AFF1: variants seen among roughly 807,000 people sequenced by gnomAD.
AFF1 encodes the protein AF4/FMR2 family member 1.
In AFF1, 48 loss-of-function variants were observed where a neutral mutation model predicts 121.7. The observed-to-expected ratio is 0.39, with a 90% confidence interval of 0.31 to 0.50. AFF1 has a LOEUF of 0.50. AFF1 is among the 20% of genes least tolerant of loss of function. The probability of loss-of-function intolerance (pLI) is 0.76; values close to 1 mark genes in which losing one functional copy is unlikely to be tolerated. For missense variants in AFF1, 1,523 were observed against 1,511.7 expected, an observed-to-expected ratio of 1.01 and a Z score of -0.12; for synonymous variants, 613 against 563.0, an observed-to-expected ratio of 1.09 and a Z score of -1.26.
At chr4:87,013,320 G>T (rs367705624) in intron 2 of AFF1, among the ~76,000 whole-genome samples, 4 of 152,096 alleles carry the variant, frequency 2.6e-5, no homozygotes, top group African/African-American at 7.2e-5. Flanking sequence ...GATTACAGGC[G>T]TGAGCCACCC....
chr4:87,094,838 C>T (rs893701273), intron 7 of AFF1, 77 bp from the exon 8 acceptor site: 20 of 1,423,468 alleles, frequency 1.4e-5, no homozygotes, highest in African/African-American at 8.5e-5. Context: ...AACTGGGGAC[C>T]GACATAAAAG....
intron 2 of AFF1, among the ~76,000 whole-genome samples, chr4:87,006,638 T>G (rs1726145600): frequency 6.6e-6 from 1 of 152,242 alleles, no homozygotes; most frequent in African/African-American, 2.4e-5. Context: ...GCCGCGGTCT[T>G]GTTCCTGCTC....
chr4:87,028,775 A>G (rs974730262), intron 2 of AFF1, among the ~76,000 whole-genome samples: 1 of 152,222 alleles, frequency 6.6e-6, no homozygotes, highest in Non-Finnish European at 1.5e-5. Flanking sequence ...ATGTGACAGA[A>G]TATAACTATT....
intron 2 of AFF1, among the ~76,000 whole-genome samples, chr4:86,949,043 C>G (rs1376688543): frequency 6.6e-6 from 1 of 152,010 alleles, no homozygotes. Flanking sequence ...AGTAATTGAT[C>G]AGTGTTGATT....
chr4:87,041,446 C>T lies in AFF1; in HGVS notation c.39-4720C>T, dbSNP rs543561118. Among the ~76,000 whole-genome samples the T allele has an allele frequency of 4.6e-5, 7 of 152,290 alleles. No individual in the cohort carries two copies. The South Asian group carries it at 1.5e-3, about 32-fold the overall frequency. On this transcript the variant is annotated intron_variant, in intron 2 of 20. Transcript: ENST00000395146. Reference sequence around the variant, plus strand: ...TGTTCAACATACAAGCCTTGGGGCCCATGTCAGGCCTACTGCCTTAGAAAC... The same window carrying T: ...TGTTCAACATACAAGCCTTGGGGCCTATGTCAGGCCTACTGCCTTAGAAAC...
At chr4:87,002,425 G>GTTTTTTTTTTTTTTTTTTT (rs3035506) in intron 2 of AFF1, among the ~76,000 whole-genome samples, 1 of 68,140 alleles carries the variant, frequency 1.5e-5, no homozygotes, top group East Asian at 4.6e-4. Context: ...GGGCAATGAA[G>GTTTTTTTTTTTTTTTTTTT]TTTTTTTTTT....
At chr4:87,002,766 T>C (rs1354808174) in intron 2 of AFF1, among the ~76,000 whole-genome samples, 1 of 152,188 alleles carries the variant, frequency 6.6e-6, no homozygotes, top group Non-Finnish European at 1.5e-5. Context: ...ATTGGGTCTG[T>C]TAGCAGGAGC....
At chr4:87,012,345 C>T (rs1474956192) in intron 2 of AFF1, among the ~76,000 whole-genome samples, 1 of 149,618 alleles carries the variant, frequency 6.7e-6, no homozygotes, top group African/African-American at 2.5e-5. Context: ...TAAACTTATT[C>T]TAATTCTGTA....
chr4:87,066,800 G>C (rs778267841), intron 4 of AFF1, among the ~76,000 whole-genome samples: 13 of 152,158 alleles, frequency 8.5e-5, no homozygotes, highest in Non-Finnish European at 1.8e-4. Context: ...CTTTCCTGGT[G>C]GACAGCACCT....
intron 12 of AFF1, among the ~76,000 whole-genome samples, chr4:87,122,067 A>G (rs1250462480): frequency 6.6e-6 from 1 of 152,254 alleles, no homozygotes. Flanking sequence ...TTAATGTGTC[A>G]TTAACTGCCT....
intron 2 of AFF1, among the ~76,000 whole-genome samples, chr4:86,969,741 G>A (rs1403918699): frequency 6.6e-6 from 1 of 151,536 alleles, no homozygotes; most frequent in Non-Finnish European, 1.5e-5. Flanking sequence ...TGAGCTGGGC[G>A]CCGGGGCGGG....
intron 2 of AFF1, among the ~76,000 whole-genome samples, chr4:87,031,517 C>G (rs1011730914): frequency 6.6e-6 from 1 of 151,818 alleles, no homozygotes. Flanking sequence ...CTTTTTATCC[C>G]TAGGTCTAGC....
chr4:86,983,535 ATAAAAAAAT>A (rs1323152650), intron 2 of AFF1, among the ~76,000 whole-genome samples: 4 of 142,800 alleles, frequency 2.8e-5, no homozygotes, highest in Non-Finnish European at 4.6e-5. Context: ...GTCTCAAAAA[ATAAAAAAAT>A]TAAAAAATAA....
intron 5 of AFF1, among the ~76,000 whole-genome samples, chr4:87,084,586 AAATAAATAAAT>A (rs1281861296): frequency 6.7e-6 from 1 of 148,860 alleles, no homozygotes; most frequent in East Asian, 1.9e-4. Context: ...ATAAATAAAT[AAATAAATAAAT>A]AAATAAAAAA....
intron 2 of AFF1, among the ~76,000 whole-genome samples, chr4:87,014,873 C>A (rs867056280): frequency 6.6e-6 from 1 of 152,168 alleles, no homozygotes; most frequent in Middle Eastern, 3.2e-3. Context: ...TTAATTAGTT[C>A]TCATTGTTTT....
At chr4:87,130,955 A>T in intron 16 of AFF1, 128 bp from the exon 17 acceptor site, 1 of 1,261,926 alleles carries the variant, frequency 7.9e-7, no homozygotes, top group Non-Finnish European at 1.1e-6. Flanking sequence ...TAGTTCATTC[A>T]TCCTCACACT....
chr4:86,972,317 T>G (rs1159339435), intron 2 of AFF1, among the ~76,000 whole-genome samples: 1 of 151,770 alleles, frequency 6.6e-6, no homozygotes, highest in African/African-American at 2.4e-5. Flanking sequence ...AGGAAGGCAG[T>G]GGGAAAAGTA....
chr4:87,073,015 G>A (rs1722253408), intron 4 of AFF1, among the ~76,000 whole-genome samples: 1 of 151,158 alleles, frequency 6.6e-6, no homozygotes, highest in Admixed American at 6.6e-5. Flanking sequence ...CAGAGATAAC[G>A]CAGGAAAAGA....
rs111265473 is a variant in AFF1 at position 87,094,904 on chromosome 4, C to G, written c.1229-11C>G. 1.1e-5 allele frequency: 17 copies of G among 1,612,624 alleles called. No individual in the cohort carries two copies. The highest frequency in any genetic ancestry group is 1.1e-5 in the Non-Finnish European group (13 of 1,178,838). On this transcript the variant is annotated splice_polypyrimidine_tract_variant and intron_variant, in intron 7 of 20. Transcript: ENST00000395146. ...GTCATTGTGCTGCTTTGATGTTTCT[C>G]TCCCCCACAGAACAATATGATACAT...
Sources: gnomAD v4.1 joint callset for allele counts (sites outside exome capture counted in the v4.1 genomes callset) on GRCh38, gnomAD v4.1.1 for gene constraint, MANE v1.5 for transcripts, NCBI Gene and HGNC (gene_info 2026-07-23, HGNC 2026-07-21) for gene names.